Variants in SOS2 observed in about 807,000 individuals in gnomAD.
The protein encoded by SOS2 is SOS Ras/Rho guanine nucleotide exchange factor 2.
A neutral mutation model predicts 148.2 loss-of-function variants in SOS2; 65 were observed. That is an observed-to-expected ratio of 0.44 (90% confidence interval 0.36 to 0.54). The LOEUF (loss-of-function observed/expected upper bound fraction) is 0.54. Among genes scored for constraint, SOS2 ranks in the 20% least tolerant of loss-of-function variants. The pLI is 0.00. For missense variants in SOS2, 1,341 were observed against 1,590.2 expected (o/e 0.84, Z 2.67); for synonymous variants, 539 against 537.1 (o/e 1.00, Z -0.05).
intron 21 of SOS2, among the ~76,000 whole-genome samples, chr14:50,126,617 A>T (rs1439720166): frequency 6.6e-6 from 1 of 152,210 alleles, no homozygotes; most frequent in Non-Finnish European, 1.5e-5. Flanking sequence ...AAGAATTCTT[A>T]GAAATTTAAA....
chr14:50,221,663 A>C (rs2139856178), intron 1 of SOS2, among the ~76,000 whole-genome samples: 1 of 152,288 alleles, frequency 6.6e-6, no homozygotes, highest in South Asian at 2.1e-4. Flanking sequence ...AAATAAAAAG[A>C]AAGCATCTTT....
At chr14:50,177,880 T>A (rs1300533864) in intron 7 of SOS2, among the ~76,000 whole-genome samples, 1 of 152,270 alleles carries the variant, frequency 6.6e-6, no homozygotes, top group South Asian at 2.1e-4. Context: ...CAGCTGGTTA[T>A]ATGAAAGTGT....
intron 1 of SOS2, among the ~76,000 whole-genome samples, chr14:50,211,028 A>G (rs1370835680): frequency 2.4e-5 from 1 of 41,810 alleles, no homozygotes; most frequent in African/African-American, 8.3e-5. Flanking sequence ...CAATTCCACT[A>G]TAGGATATAT....
chr14:50,192,227 G>A (rs1045883807), intron 4 of SOS2, among the ~76,000 whole-genome samples: 12 of 147,030 alleles, frequency 8.2e-5, no homozygotes, highest in Non-Finnish European at 1.5e-5. Context: ...TACCATGAAA[G>A]AGAAAATATA....
chr14:50,161,619 A>G lies in SOS2; in HGVS notation c.1069-10T>C, dbSNP rs201686942. The G allele has an allele frequency of 5.4e-5, 87 of 1,608,024 alleles. No homozygotes were observed. Among genetic ancestry groups the G allele is most frequent in the Non-Finnish European group, 7.2e-5 (85 of 1,178,148 alleles). ...TACATGCTTTCAATTGCTAAGAAAAAACAGAAAGAAAAATCAAAACTGCAT... is the reference window on the plus strand; with the variant it reads ...TACATGCTTTCAATTGCTAAGAAAAGACAGAAAGAAAAATCAAAACTGCAT... On this transcript the variant is annotated splice_polypyrimidine_tract_variant and intron_variant, in intron 8 of 22. Transcript: ENST00000216373.
chr14:50,191,921 T>C (rs1346289500), intron 4 of SOS2, among the ~76,000 whole-genome samples: 1 of 151,896 alleles, frequency 6.6e-6, no homozygotes, highest in Non-Finnish European at 1.5e-5. Context: ...AGTCTGAAAC[T>C]GGGAGGATTG....
chr14:50,151,371 T>A (rs1439369607), intron 13 of SOS2, among the ~76,000 whole-genome samples: 2 of 152,240 alleles, frequency 1.3e-5, no homozygotes, highest in Admixed American at 1.3e-4. Flanking sequence ...TGATTCAGGA[T>A]TAATTTTATG....
chr14:50,224,304 A>T (rs868700843), intron 1 of SOS2, among the ~76,000 whole-genome samples: 1,030 of 62,646 alleles, frequency 0.016, 71 homozygotes, highest in African/African-American at 0.052. Context: ...AAAAAAAAAA[A>T]ATATATATAT....
rs770603835 is a variant in SOS2, at chr14:50,188,679, G to C, written c.532C>G (p.Gln178Glu). 68 of 1,597,846 alleles carry C rather than the reference G, an allele frequency of 4.3e-5. No homozygotes were observed. The highest frequency in any genetic ancestry group is 4.2e-4 in the South Asian group (37 of 87,928). ...AGAGAAACCAAACCTATGTCATCCT[G>C]ATCAAACATGTCCATCAAAACCTGA... ...ADKVLMDMFD[Q>E]DDIGLVSLCE... Residue 178 changes from glutamine to glutamate, a missense_variant, in exon 5 of 23, where the codon CAG becomes GAG. Physicochemically the swap from Gln to Glu is conservative, Grantham distance 29. Around this residue, in one of 4 missense-constraint regions of SOS2, gnomAD observed 574 missense variants for 711.1 expected, o/e 0.81. Transcript: ENST00000216373.
At chr14:50,158,887 T>C (rs1178753016) in intron 10 of SOS2, among the ~76,000 whole-genome samples, 2 of 152,110 alleles carry the variant, frequency 1.3e-5, no homozygotes, top group Admixed American at 6.6e-5. Context: ...TTTTCAAATT[T>C]GAAATTCATG....
At chr14:50,162,982 G>C (rs1885058869) in intron 8 of SOS2, among the ~76,000 whole-genome samples, 1 of 147,310 alleles carries the variant, frequency 6.8e-6, no homozygotes, top group Non-Finnish European at 1.5e-5. Context: ...CTGCAGCCTT[G>C]CCTCAACCTC....
chr14:50,174,312 G>T, intron 8 of SOS2, 142 bp downstream of exon 8: 1 of 415,664 alleles, frequency 2.4e-6, no homozygotes, highest in Non-Finnish European at 4.2e-6. Flanking sequence ...TAGAAATTTA[G>T]AGCAATGTTA....
At chr14:50,204,462 A>G in intron 1 of SOS2, 53 bp from the exon 2 acceptor site, 1 of 1,129,582 alleles carries the variant, frequency 8.9e-7, no homozygotes, top group Non-Finnish European at 1.3e-6. Context: ...TAAATTGAAC[A>G]AAAGTCAAAG....
intron 1 of SOS2, among the ~76,000 whole-genome samples, chr14:50,227,358 C>G (rs1265227284): frequency 6.6e-6 from 1 of 150,502 alleles, no homozygotes; most frequent in African/African-American, 2.4e-5. Context: ...GATTCTCTGC[C>G]TCAGCCTCCC....
At chr14:50,229,830 G>C (rs1177159929) in intron 1 of SOS2, among the ~76,000 whole-genome samples, 5 of 152,176 alleles carry the variant, frequency 3.3e-5, no homozygotes, top group Admixed American at 1.3e-4. Context: ...ACTCACACTT[G>C]TCTGTGGTCA....
At chr14:50,164,706 T>C (rs552041400) in intron 8 of SOS2, among the ~76,000 whole-genome samples, 24 of 152,168 alleles carry the variant, frequency 1.6e-4, no homozygotes, top group Non-Finnish European at 3.1e-4. Flanking sequence ...TGTACTTTCA[T>C]GCCCCCATTC....
chr14:50,219,944 T>A (rs1271531275), intron 1 of SOS2, among the ~76,000 whole-genome samples: 2 of 151,888 alleles, frequency 1.3e-5, no homozygotes, highest in Non-Finnish European at 2.9e-5. Context: ...AGCCTCGAAC[T>A]CCTGGGCTCA....
Position 50,159,578 on chromosome 14 carries a change from T to C in SOS2, c.1705A>G (p.Ser569Gly), listed in dbSNP as rs1884930530. Residue 569 changes from serine to glycine, a missense_variant, in exon 10 of 23, where the codon AGT (serine) becomes GGT (glycine). Ser to Gly is a moderately conservative substitution (Grantham distance 56). Coordinates refer to ENST00000216373, the MANE Select transcript of SOS2 (RefSeq NM_006939.4). ...ACTACAAAACGATATACTTCAGGAC[T>C]TGGTAATCTCAGTGGTTGCTCATTT... is the stretch of plus-strand genomic sequence containing the variant. Reference protein sequence around the residue: ...EENEQPLRLPSPEVYRFVVKD... With the variant: ...EENEQPLRLPGPEVYRFVVKD... The C allele has an allele frequency of 1.2e-6, 2 of 1,613,952 alleles. No individual in the cohort carries two copies. The highest frequency in any genetic ancestry group is 1.7e-5 in the Admixed American group (1 of 60,004).
chr14:50,161,505 C>T lies in SOS2; in HGVS notation c.1173G>A (p.Gln391=), dbSNP rs909240238. 5.0e-6 allele frequency: 8 copies of T among 1,613,228 alleles called. No individual in the cohort carries two copies. In the African/African-American group the frequency reaches 8.0e-5, roughly 16 times the overall value. The change falls in exon 9 of 23, where the codon CAG becomes CAA. Residue 391 remains glutamine (Q), a synonymous_variant. Transcript: ENST00000216373. ...LQGSMDRIYK[Q]YSPRRRPGDP... is the part of the protein sequence containing the mutation. Reference sequence around the variant, plus strand: ...ACCCAGGTCGACGTCTAGGTGAATACTGCTTGTAAATTCGGTCCATGCTAC... The same window carrying T: ...ACCCAGGTCGACGTCTAGGTGAATATTGCTTGTAAATTCGGTCCATGCTAC...
Sources: gnomAD v4.1 joint callset for allele counts (sites outside exome capture counted in the v4.1 genomes callset) on GRCh38, gnomAD v4.1.1 for gene constraint, gnomAD v4.1.1 regional missense constraint, MANE v1.5 for transcripts, NCBI Gene and HGNC (gene_info 2026-07-23, HGNC 2026-07-21) for gene names.